The following STXBP5L variants were observed in gnomAD, a reference collection of about 807,000 sequenced individuals.
The protein encoded by STXBP5L is syntaxin binding protein 5L.
Under a neutral mutation model 144.5 loss-of-function variants are expected in STXBP5L, and 65 were observed. The ratio of observed to expected loss-of-function variants is 0.45; its 90% CI spans 0.37 to 0.55. The LOEUF (loss-of-function observed/expected upper bound fraction) is 0.55, where lower values mean the gene tolerates loss of function less well. Ranked by LOEUF, STXBP5L falls within the 20% of genes least tolerant of loss-of-function variation. The pLI, the probability that STXBP5L is intolerant of heterozygous loss-of-function variation, is 0.00. For missense variants in STXBP5L, 1,298 were observed against 1,405.5 expected, an observed-to-expected ratio of 0.92 and a Z score of 1.22; for synonymous variants, 505 against 469.6, an observed-to-expected ratio of 1.08 and a Z score of -0.97.
chr3:121,258,957 G>A (rs2050296938), intron 17 of STXBP5L, 86 bp from the exon 18 acceptor site: 6 of 1,328,594 alleles, frequency 4.5e-6, no homozygotes, highest in Non-Finnish European at 5.9e-6. Context: ...GTATATTTCT[G>A]TAGCATGATT....
At chr3:121,298,130 T>G (rs2051733171) in intron 19 of STXBP5L, among the ~76,000 whole-genome samples, 1 of 152,236 alleles carries the variant, frequency 6.6e-6, no homozygotes, top group Non-Finnish European at 1.5e-5. Flanking sequence ...CTCCACATCC[T>G]CATCAACACT....
intron 7 of STXBP5L, among the ~76,000 whole-genome samples, chr3:121,149,021 T>A (rs2045832874): frequency 6.6e-6 from 1 of 152,062 alleles, no homozygotes; most frequent in South Asian, 2.1e-4. Flanking sequence ...TAGCCTATGG[T>A]GTTAGAAGTC....
chr3:121,334,797 T>A (rs572101928), intron 20 of STXBP5L, among the ~76,000 whole-genome samples: 1 of 152,254 alleles, frequency 6.6e-6, no homozygotes, highest in East Asian at 1.9e-4. Context: ...TACTAGGTAA[T>A]GAAGGAATAT....
At chr3:121,042,119 G>A (rs78238921) in intron 4 of STXBP5L, among the ~76,000 whole-genome samples, 18,251 of 151,834 alleles carry the variant, frequency 0.12, 1,154 homozygotes, top group Non-Finnish European at 0.14. Flanking sequence ...CTTAAATTTT[G>A]TAATTAAGGC....
chr3:121,355,107 G>T (rs964776214), intron 20 of STXBP5L, among the ~76,000 whole-genome samples: 3 of 152,082 alleles, frequency 2.0e-5, no homozygotes, highest in African/African-American at 7.2e-5. Context: ...TTTCTCTCTG[G>T]CTGCCCTTAA....
intron 10 of STXBP5L, among the ~76,000 whole-genome samples, chr3:121,208,720 T>C (rs2048436361): frequency 6.6e-6 from 1 of 152,204 alleles, no homozygotes; most frequent in South Asian, 2.1e-4. Flanking sequence ...GACACTATAT[T>C]AACTGTTCCT....
At chr3:120,947,569 C>T (rs1449343924) in intron 2 of STXBP5L, among the ~76,000 whole-genome samples, 1 of 151,820 alleles carries the variant, frequency 6.6e-6, no homozygotes, top group Non-Finnish European at 1.5e-5. Flanking sequence ...AATTTTAGAA[C>T]ATTTCCATCA....
At chr3:121,379,681 A>G (rs911248889) in intron 21 of STXBP5L, among the ~76,000 whole-genome samples, 2 of 152,272 alleles carry the variant, frequency 1.3e-5, no homozygotes, top group Admixed American at 1.3e-4. Flanking sequence ...TCCCTTAGAT[A>G]TGCAGATAAT....
chr3:121,410,794 A>G (rs957350698), intron 23 of STXBP5L, among the ~76,000 whole-genome samples: 1 of 152,130 alleles, frequency 6.6e-6, no homozygotes, highest in Non-Finnish European at 1.5e-5. Context: ...TGTCCTGCAT[A>G]GAAGAAAGTC....
intron 3 of STXBP5L, among the ~76,000 whole-genome samples, chr3:120,985,949 C>A (rs1942247778): frequency 6.6e-6 from 1 of 151,838 alleles, no homozygotes; most frequent in East Asian, 1.9e-4. Flanking sequence ...ACCCTTTGTT[C>A]TGATGGCTGT....
At chr3:121,088,089 A>G (rs1466196826) in intron 5 of STXBP5L, among the ~76,000 whole-genome samples, 1 of 151,998 alleles carries the variant, frequency 6.6e-6, no homozygotes, top group African/African-American at 2.4e-5. Context: ...AAATTGACAA[A>G]TGGGATCTAA....
intron 5 of STXBP5L, among the ~76,000 whole-genome samples, chr3:121,093,655 TTCTC>T (rs1343916694): frequency 6.6e-6 from 1 of 152,200 alleles, no homozygotes; most frequent in African/African-American, 2.4e-5. Context: ...TATTTGATTC[TTCTC>T]TCTTTTTTTC....
intron 5 of STXBP5L, among the ~76,000 whole-genome samples, chr3:121,097,972 CT>C (rs1484242681): frequency 1.3e-5 from 2 of 151,160 alleles, no homozygotes; most frequent in East Asian, 3.9e-4. Flanking sequence ...ATTTTTTTTT[CT>C]ATTTTAACCA....
At chr3:120,910,765 G>A (rs1559865543) in intron 2 of STXBP5L, among the ~76,000 whole-genome samples, 1 of 152,038 alleles carries the variant, frequency 6.6e-6, no homozygotes. Context: ...TTCAATCACT[G>A]TCTCAGCCTA....
At chr3:121,253,275 G>A (rs1370332538) in intron 15 of STXBP5L, among the ~76,000 whole-genome samples, 1 of 149,046 alleles carries the variant, frequency 6.7e-6, no homozygotes, top group East Asian at 2.0e-4. Flanking sequence ...AAAGTACTAT[G>A]AAATGGTTTA....
chr3:121,151,976 C>T (rs576478896), intron 7 of STXBP5L, among the ~76,000 whole-genome samples: 30 of 151,712 alleles, frequency 2.0e-4, no homozygotes, highest in African/African-American at 4.6e-4. Context: ...TTTTTAATGA[C>T]GTGAATCTCT....
chr3:121,349,929 C>G (rs1411722938), intron 20 of STXBP5L, among the ~76,000 whole-genome samples: 2 of 152,144 alleles, frequency 1.3e-5, no homozygotes, highest in Non-Finnish European at 2.9e-5. Context: ...CAGTCTGTGT[C>G]TTTTATTTGG....
chr3:120,948,657 T>G (rs1414745284), intron 2 of STXBP5L, among the ~76,000 whole-genome samples: 1 of 151,988 alleles, frequency 6.6e-6, no homozygotes, highest in Non-Finnish European at 1.5e-5. Context: ...ATGTAATATT[T>G]GGTTTTTCAT....
intron 22 of STXBP5L, among the ~76,000 whole-genome samples, chr3:121,384,693 A>G (rs2046388691): frequency 6.6e-6 from 1 of 152,136 alleles, no homozygotes; most frequent in South Asian, 2.1e-4. Context: ...TTATTTTTTC[A>G]GTACAAAACT....
Sources: allele counts gnomAD v4.1 joint callset (sites outside exome capture counted in the v4.1 genomes callset), GRCh38; gene constraint gnomAD v4.1.1; transcripts MANE v1.5; gene names NCBI Gene and HGNC (gene_info 2026-07-23, HGNC 2026-07-21).